COL21A1: variants seen among roughly 807,000 people sequenced by gnomAD.
COL21A1 encodes the protein collagen type XXI alpha 1 chain.
COL21A1 carries 149 observed loss-of-function variants against 137.9 expected under a neutral mutation model. That is an observed-to-expected ratio of 1.08 (90% CI 0.95 to 1.24). The LOEUF (loss-of-function observed/expected upper bound fraction) is 1.24, where lower values mean the gene tolerates loss of function less well. COL21A1 is among the 50% of genes most tolerant of loss of function. The pLI is 0.00. For synonymous variants in COL21A1, 456 were observed against 391.5 expected, an observed-to-expected ratio of 1.16 and a Z score of -1.95; for missense variants, 1,167 against 1,158.4, an observed-to-expected ratio of 1.01 and a Z score of -0.11.
intron 1 of COL21A1, among the ~76,000 whole-genome samples, chr6:56,185,242 TA>T (rs1205532134): frequency 2.0e-4 from 31 of 151,722 alleles, no homozygotes; most frequent in African/African-American, 7.0e-4. Context: ...GAAAGACAAT[TA>T]AAAAATAAAT....
intron 21 of COL21A1, 31 bp downstream of exon 21, chr6:56,070,714 T>C (rs533069793): frequency 6.8e-6 from 10 of 1,480,022 alleles, no homozygotes; most frequent in African/African-American, 1.4e-5. Flanking sequence ...TATAATTTCT[T>C]TGAAAATATT....
chr6:56,323,063 T>C (rs936937792), intron 1 of COL21A1, among the ~76,000 whole-genome samples: 3 of 152,026 alleles, frequency 2.0e-5, no homozygotes, highest in Admixed American at 6.6e-5. Flanking sequence ...ATATTACCTA[T>C]TGGGTACAAT....
chr6:56,336,698 A>G (rs972419930), intron 1 of COL21A1, among the ~76,000 whole-genome samples: 6 of 152,242 alleles, frequency 3.9e-5, no homozygotes, highest in Admixed American at 2.6e-4. Context: ...TTAAGGAGTT[A>G]TACAAATTCA....
chr6:56,269,341 A>ATC (rs1763466959), intron 1 of COL21A1, among the ~76,000 whole-genome samples: 1 of 152,214 alleles, frequency 6.6e-6, no homozygotes, highest in African/African-American at 2.4e-5. Flanking sequence ...AAAGAAAAAA[A>ATC]TCTTACAGGC....
chr6:56,124,638 G>GTTTC, intron 14 of COL21A1, among the ~76,000 whole-genome samples: 1 of 151,892 alleles, frequency 6.6e-6, no homozygotes, highest in East Asian at 1.9e-4. Flanking sequence ...TTTTTTGTTT[G>GTTTC]TTTGTTTGTT....
intron 1 of COL21A1, among the ~76,000 whole-genome samples, chr6:56,353,165 G>A (rs931495540): frequency 6.6e-6 from 1 of 152,038 alleles, no homozygotes; most frequent in African/African-American, 2.4e-5. Context: ...CTATGAACAT[G>A]GGCTGGCTTT....
chr6:56,359,319 G>C (rs940271975), intron 1 of COL21A1, among the ~76,000 whole-genome samples: 1 of 152,124 alleles, frequency 6.6e-6, no homozygotes, highest in Non-Finnish European at 1.5e-5. Context: ...GCTCTGTTTT[G>C]TCTCCTATAG....
intron 1 of COL21A1, among the ~76,000 whole-genome samples, chr6:56,381,098 T>C (rs1433875308): frequency 6.6e-6 from 1 of 152,130 alleles, no homozygotes; most frequent in East Asian, 1.9e-4. Context: ...AACATAACTA[T>C]GTTATGTTCT....
intron 16 of COL21A1, among the ~76,000 whole-genome samples, chr6:56,104,659 CCTT>C (rs1770725303): frequency 6.6e-6 from 1 of 152,016 alleles, no homozygotes; most frequent in Non-Finnish European, 1.5e-5. Flanking sequence ...TTATTAACTC[CCTT>C]CTTGATATAA....
intron 1 of COL21A1, among the ~76,000 whole-genome samples, chr6:56,198,621 C>G (rs1046692467): frequency 2.0e-5 from 3 of 152,024 alleles, no homozygotes; most frequent in Admixed American, 1.3e-4. Flanking sequence ...GAATGGCATA[C>G]TAAGCAAACA....
At chr6:56,187,939 TAAAAAG>T (rs1324265104) in intron 1 of COL21A1, among the ~76,000 whole-genome samples, 1 of 151,818 alleles carries the variant, frequency 6.6e-6, no homozygotes, top group Admixed American at 6.6e-5. Flanking sequence ...ATATAGATAA[TAAAAAG>T]AAAAACAACA....
chr6:56,319,829 T>C (rs1310419326), intron 1 of COL21A1, among the ~76,000 whole-genome samples: 1 of 152,174 alleles, frequency 6.6e-6, no homozygotes, highest in East Asian at 1.9e-4. Flanking sequence ...TCTGGCAGGA[T>C]CCTTAACACC....
At chr6:56,272,093 A>C (rs1423534049) in intron 1 of COL21A1, among the ~76,000 whole-genome samples, 1 of 152,080 alleles carries the variant, frequency 6.6e-6, no homozygotes, top group East Asian at 1.9e-4. Flanking sequence ...GAGCTGTGAG[A>C]AGAGGGCCAC....
chr6:56,192,184 T>C (rs12206360), intron 1 of COL21A1, among the ~76,000 whole-genome samples: 10,924 of 152,208 alleles, frequency 0.072, 439 homozygotes, highest in Middle Eastern at 0.13. Context: ...CGTTACACCG[T>C]ATACAAAAAT....
intron 1 of COL21A1, among the ~76,000 whole-genome samples, chr6:56,308,167 G>A (rs1392295736): frequency 1.3e-5 from 2 of 152,300 alleles, no homozygotes; most frequent in African/African-American, 4.8e-5. Flanking sequence ...TAAAAGGGCT[G>A]GTAACAGCCC....
chr6:56,278,767 C>G (rs1382889739), intron 1 of COL21A1, among the ~76,000 whole-genome samples: 1 of 152,174 alleles, frequency 6.6e-6, no homozygotes, highest in Non-Finnish European at 1.5e-5. Flanking sequence ...ATGATTGAAC[C>G]TGTGTTGGAA....
chr6:56,218,605 TA>T lies in COL21A1; in HGVS notation c.-39+28781del, dbSNP rs539036959. Reference sequence around the variant, plus strand: ...CTATTTAAATGCACATTTATTGCTTTATTTTTTTTACTAATGTCTTATTACT... The same window carrying T: ...CTATTTAAATGCACATTTATTGCTTTTTTTTTTTACTAATGTCTTATTACT... On this transcript the variant is annotated intron_variant, in intron 1 of 29. Transcript: ENST00000244728. 9.6e-4 allele frequency among the ~76,000 whole-genome samples: 146 copies of T among 152,272 alleles called. 2 individuals carry two copies. The highest frequency in any genetic ancestry group is 3.4e-3 in the Middle Eastern group (1 of 294).
chr6:56,277,387 A>G (rs1284866285), intron 1 of COL21A1, among the ~76,000 whole-genome samples: 1 of 152,120 alleles, frequency 6.6e-6, no homozygotes, highest in Admixed American at 6.5e-5. Context: ...GAGTGAGAAT[A>G]TGTGGTGTTT....
intron 1 of COL21A1, among the ~76,000 whole-genome samples, chr6:56,201,541 GCGT>G (rs1779407670): frequency 1.3e-5 from 2 of 152,018 alleles, no homozygotes; most frequent in African/African-American, 4.8e-5. Flanking sequence ...AGTTTTCCCA[GCGT>G]CATTTATTAA....
Sources: gnomAD v4.1 joint callset for allele counts (sites outside exome capture counted in the v4.1 genomes callset) on GRCh38, gnomAD v4.1.1 for gene constraint, MANE v1.5 for transcripts, NCBI Gene and HGNC (gene_info 2026-07-23, HGNC 2026-07-21) for gene names.